F5: variants seen among roughly 807,000 people sequenced by gnomAD.
F5 encodes activated protein c cofactor.
A neutral mutation model predicts 216.4 loss-of-function variants in F5; 138 were observed. The ratio of observed to expected loss-of-function variants is 0.64; its 90% CI spans 0.56 to 0.73. The LOEUF is 0.73. Among genes scored for constraint, F5 ranks in the 30% least tolerant of loss-of-function variants. The pLI, the probability that F5 is intolerant of heterozygous loss-of-function variation, is 0.00. For missense variants in F5, 2,403 were observed against 2,674.0 expected (o/e 0.90, Z 2.24); for synonymous variants, 916 against 930.7 (o/e 0.98, Z 0.29).
chr1:169,565,646 G>A (rs1254033390), intron 3 of F5, among the ~76,000 whole-genome samples: 2 of 152,066 alleles, frequency 1.3e-5, no homozygotes, highest in Admixed American at 6.6e-5. Flanking sequence ...TGGAGATCTG[G>A]TTAACAACAG....
chr1:169,546,699 G>A (rs1388138674), intron 10 of F5, 107 bp from the exon 11 acceptor site: 33 of 979,282 alleles, frequency 3.4e-5, no homozygotes, highest in Middle Eastern at 5.0e-4. Flanking sequence ...TATCTGATCT[G>A]TGACAAAAGC....
At chr1:169,577,977 G>T (rs1477421523) in intron 2 of F5, among the ~76,000 whole-genome samples, 1 of 152,084 alleles carries the variant, frequency 6.6e-6, no homozygotes. Context: ...AGTGGAGCAG[G>T]ACATAGGGGA....
intron 2 of F5, among the ~76,000 whole-genome samples, chr1:169,575,896 G>C (rs1398404132): frequency 6.6e-6 from 1 of 152,126 alleles, no homozygotes; most frequent in Non-Finnish European, 1.5e-5. Flanking sequence ...CTATGATTAA[G>C]AATCTTGAGA....
At chr1:169,524,613 G>A (rs1057113140) in intron 19 of F5, among the ~76,000 whole-genome samples, 1 of 152,164 alleles carries the variant, frequency 6.6e-6, no homozygotes, top group Non-Finnish European at 1.5e-5. Flanking sequence ...CACCAGAAGA[G>A]GTGGCAGTGT....
chr1:169,582,569 TATTTCTCAC>T (rs757133136), intron 1 of F5, 47 bp from the exon 2 acceptor site: 1 of 1,009,296 alleles, frequency 9.9e-7, no homozygotes, highest in South Asian at 1.4e-5. Context: ...ATTCAATATC[TATTTCTCAC>T]ATTACAAAAA....
intron 19 of F5, among the ~76,000 whole-genome samples, 193 bp downstream of exon 19, chr1:169,524,644 T>C (rs1422276859): frequency 6.6e-6 from 1 of 152,168 alleles, no homozygotes; most frequent in African/African-American, 2.4e-5. Flanking sequence ...CTAACAGGCC[T>C]TTAGCTCCTA....
intron 2 of F5, among the ~76,000 whole-genome samples, chr1:169,581,298 A>G (rs944606938): frequency 1.3e-5 from 2 of 152,168 alleles, no homozygotes; most frequent in Non-Finnish European, 2.9e-5. Flanking sequence ...CTTTTGTGAG[A>G]GTAATTTTAG....
Position 169,541,773 on chromosome 1 carries a change from T to C in F5, c.3317A>G (p.Asn1106Ser). ...SLPDHNQNSS[N>S]DTGQASCPPG... ...AGGACAGCTTGCCTGACCAGTGTCA[T>C]TTGAGGAATTCTGATTATGGTCAGG... is the stretch of plus-strand genomic sequence containing the variant. Residue 1106 changes from asparagine (N) to serine (S), a missense_variant, in exon 13 of 25, where the codon AAT becomes AGT. Around this residue, in one of 4 missense-constraint regions of F5, gnomAD observed 1,425 missense variants for 1,554.8 expected, o/e 0.92. Coordinates refer to ENST00000367797, the MANE Select transcript of F5 (RefSeq NM_000130.5). 1 of 1,613,998 alleles carries C rather than the reference T, an allele frequency of 6.2e-7. No homozygotes were observed. The highest frequency in any genetic ancestry group is 8.5e-7 in the Non-Finnish European group (1 of 1,179,956).
At chr1:169,547,523 G>T (rs138800239) in intron 10 of F5, among the ~76,000 whole-genome samples, 22 of 152,098 alleles carry the variant, frequency 1.4e-4, no homozygotes, top group African/African-American at 5.3e-4. Context: ...TAAAAAGTAG[G>T]CCAAGGACAG....
chr1:169,565,190 C>G lies in F5; in HGVS notation c.374-4424G>C, dbSNP rs186226032. The stretch of plus-strand genomic sequence containing the variant: ...AGACATCACCTTGAATATCTGTTCA[C>G]TTCTACCTTTATCTCCAATTCTGAT... On this transcript the variant is annotated intron_variant, in intron 3 of 24. Transcript: ENST00000367797. Among the ~76,000 whole-genome samples, 3 of 152,172 alleles carry G rather than the reference C, an allele frequency of 2.0e-5. No individual in the cohort carries two copies. In the East Asian group the frequency reaches 5.8e-4, roughly 29 times the overall value.
At chr1:169,522,609 T>A (rs1210007694) in intron 21 of F5, among the ~76,000 whole-genome samples, 1 of 152,188 alleles carries the variant, frequency 6.6e-6, no homozygotes, top group East Asian at 1.9e-4. Flanking sequence ...GGTATAATAA[T>A]GGCAGGCAGA....
At chr1:169,523,676 G>T in intron 20 of F5, 125 bp downstream of exon 20, 1 of 902,588 alleles carries the variant, frequency 1.1e-6, no homozygotes, top group Non-Finnish European at 1.8e-6. Context: ...TTAGAACAGT[G>T]CCTCACACTT....
intron 2 of F5, among the ~76,000 whole-genome samples, chr1:169,575,791 A>G (rs1660829878): frequency 6.6e-6 from 1 of 152,066 alleles, no homozygotes; most frequent in South Asian, 2.1e-4. Flanking sequence ...TGGTGGGTGT[A>G]GTAGGCAGAA....
chr1:169,540,354 C>G lies in F5; in HGVS notation c.4736G>C (p.Arg1579Thr). 1 of 1,613,954 alleles carries G rather than the reference C, an allele frequency of 6.2e-7. No homozygotes were observed. Among genetic ancestry groups the G allele is most frequent in the Non-Finnish European group, 8.5e-7 (1 of 1,179,894 alleles). ...AWYLRSNNGN[R>T]RNYYIAAEEI... ...TTCAGCAGCAATGTAATAATTTCTT[C>G]TGTTTCCATTGTTGCTGCGGAGGTA... is the stretch of plus-strand genomic sequence containing the variant. The change falls in exon 13 of 25, where the codon AGA (arginine) becomes ACA (threonine). Residue 1579 changes from arginine (R) to threonine (T), a missense_variant. Physicochemically the swap from Arg to Thr is moderately conservative, Grantham distance 71. Coordinates refer to ENST00000367797, the MANE Select transcript of F5 (RefSeq NM_000130.5).
chr1:169,553,705 G>C (rs6679295), intron 7 of F5, among the ~76,000 whole-genome samples: 32,392 of 152,202 alleles, frequency 0.21, 3,519 homozygotes, highest in South Asian at 0.28. Context: ...CTGGGCGACA[G>C]AGCGAGACTC....
intron 7 of F5, among the ~76,000 whole-genome samples, chr1:169,553,521 A>C (rs1034003141): frequency 3.0e-4 from 46 of 152,336 alleles, no homozygotes; most frequent in African/African-American, 1.1e-3. Context: ...ATCCTGGCTA[A>C]CACGGTGAAA....
chr1:169,581,338 G>A (rs1389851691), intron 2 of F5, among the ~76,000 whole-genome samples: 1 of 152,166 alleles, frequency 6.6e-6, no homozygotes, highest in Non-Finnish European at 1.5e-5. Flanking sequence ...GCAGATTAGG[G>A]AAGGAATATA....
chr1:169,524,539 G>A (rs1659390366), intron 19 of F5, among the ~76,000 whole-genome samples: 2 of 152,124 alleles, frequency 1.3e-5, no homozygotes, highest in African/African-American at 2.4e-5. Flanking sequence ...GGCTTTTTAT[G>A]TAGAGAAATC....
At chr1:169,559,024 T>G in intron 5 of F5, 129 bp downstream of exon 5, 9 of 925,980 alleles carry the variant, frequency 9.7e-6, no homozygotes, top group African/African-American at 3.5e-5. Context: ...AAAGAGAAAA[T>G]ATTTCCTTCT....
Sources: allele counts gnomAD v4.1 joint callset (sites outside exome capture counted in the v4.1 genomes callset), GRCh38; gene constraint gnomAD v4.1.1; regional missense constraint gnomAD v4.1.1; transcripts MANE v1.5; gene names NCBI Gene and HGNC (gene_info 2026-07-23, HGNC 2026-07-21).